The following SRC variants were observed in gnomAD, a reference collection of about 807,000 sequenced individuals.
SRC encodes proto-oncogene tyrosine-protein kinase Src.
A neutral mutation model predicts 62.9 loss-of-function variants in SRC; 13 were observed. The ratio of observed to expected loss-of-function variants is 0.21; its 90% CI spans 0.13 to 0.33. SRC has a LOEUF of 0.33. SRC is among the 10% of genes least tolerant of loss of function. SRC has a pLI of 1.00. For synonymous variants in SRC, 302 were observed against 317.5 expected (o/e 0.95, Z 0.52); for missense variants, 457 against 737.3 (o/e 0.62, Z 4.40).
chr20:37,377,943 T>G (rs895868376), intron 2 of SRC, among the ~76,000 whole-genome samples: 1 of 152,060 alleles, frequency 6.6e-6, no homozygotes, highest in Non-Finnish European at 1.5e-5. Flanking sequence ...TGAGATATCT[T>G]GACACAGGCA....
rs74633629 is a variant in SRC, at chr20:37,386,530, G to A, written c.350+356G>A. 4.2e-6 allele frequency: 3 copies of A among 707,696 alleles called. 1 individual carries two copies. Among genetic ancestry groups the A allele is most frequent in the Middle Eastern group, 5.0e-4 (2 of 4,020 alleles). The allele number at this position is 707,696 out of a possible 1,614,324, so 43.8% of individuals were successfully genotyped here. On this transcript the variant is annotated intron_variant, in intron 5 of 13. Transcript: ENST00000373578. ...CTGGGCGGGGTGCTTCGCGGGGGGT[G>A]GGGGCTGCTGTCTGCATGTGCTTCC...
intron 10 of SRC, among the ~76,000 whole-genome samples, chr20:37,401,065 T>A (rs184468957): frequency 1.3e-5 from 2 of 152,274 alleles, no homozygotes; most frequent in East Asian, 3.9e-4. Context: ...GGCGTGATCA[T>A]AGCTCACTGC....
chr20:37,390,329 A>AT (rs911082955), intron 5 of SRC, among the ~76,000 whole-genome samples: 3 of 110,930 alleles, frequency 2.7e-5, no homozygotes, highest in Non-Finnish European at 3.8e-5. Flanking sequence ...TTTTATTTTT[A>AT]TTTTTTAGCT....
chr20:37,401,916 C>T, intron 11 of SRC: 1 of 450,010 alleles, frequency 2.2e-6, no homozygotes, highest in Non-Finnish European at 3.9e-6. Flanking sequence ...ACTGTGGGAC[C>T]TCGGGCCTCA....
At chr20:37,391,869 TA>T (rs1232638252) in intron 5 of SRC, among the ~76,000 whole-genome samples, 3 of 151,922 alleles carry the variant, frequency 2.0e-5, no homozygotes, top group Non-Finnish European at 4.4e-5. Context: ...AATAAATAAA[TA>T]AATAAAGTGC....
At chr20:37,364,661 C>G (rs1181278798) in intron 1 of SRC, among the ~76,000 whole-genome samples, 1 of 152,184 alleles carries the variant, frequency 6.6e-6, no homozygotes, top group Non-Finnish European at 1.5e-5. Flanking sequence ...GCTCTATGAG[C>G]ACGTGGACCT....
chr20:37,401,024 T>A (rs1036791544), intron 10 of SRC, among the ~76,000 whole-genome samples: 3 of 151,984 alleles, frequency 2.0e-5, no homozygotes, highest in Non-Finnish European at 4.4e-5. Flanking sequence ...TGAGATGAGG[T>A]CTTGCTATGT....
chr20:37,360,218 C>CTTTTTATTT (rs2069948088), intron 1 of SRC, among the ~76,000 whole-genome samples: 1 of 105,632 alleles, frequency 9.5e-6, no homozygotes, highest in Non-Finnish European at 1.8e-5. Context: ...CTCTCTCTCT[C>CTTTTTATTT]TTTTTTTTTT....
chr20:37,403,698 AG>A lies in SRC; in HGVS notation c.*322del. On this transcript the variant is annotated 3_prime_UTR_variant, in exon 14 of 14. Transcript: ENST00000373578. The surrounding 1 kb of genome is among the most constrained non-coding windows in gnomAD (Gnocchi z 7.1). ...AGGAGAAGGGCTGGGGCCGGGGCTG[AG>A]GGTGCCCTTTTCCAGCCTCAGCCTA... The A allele has an allele frequency of 4.9e-6, 2 of 405,776 alleles. No homozygotes were observed. 25.1% of individuals were successfully genotyped at this position (405,776 alleles called of 1,614,324 possible). A position where few individuals can be genotyped will look rare whatever the true frequency, so the allele number is the denominator to read the frequency against.
intron 1 of SRC, among the ~76,000 whole-genome samples, chr20:37,349,888 G>T (rs1256304119): frequency 6.6e-6 from 1 of 152,220 alleles, no homozygotes; most frequent in Non-Finnish European, 1.5e-5. Flanking sequence ...GCCTGCCTTC[G>T]GTGTGATTGG....
At position 37,402,504 on chromosome 20, in the gene SRC, C is replaced by T; in HGVS notation, c.1186C>T (p.Leu396=). The T allele has an allele frequency of 2.5e-6, 4 of 1,614,100 alleles. No individual in the cohort carries two copies. Among genetic ancestry groups the T allele is most frequent in the Non-Finnish European group, 3.4e-6 (4 of 1,180,020 alleles). ...VHRDLRAANI[L]VGENLVCKVA... ...CCGGGACCTTCGTGCAGCCAACATC[C>T]TGGTGGGAGAGAACCTGGTGTGCAA... The change falls in exon 12 of 14, where the codon CTG becomes TTG. Residue 396 remains leucine, a synonymous_variant. Transcript: ENST00000373578. The surrounding 1 kb of genome is among the most constrained non-coding windows in gnomAD (Gnocchi z 6.2).
rs201876107 is a variant in SRC, at chr20:37,396,332, G to A, written c.703+21G>A. 1.9e-5 allele frequency: 30 copies of A among 1,611,634 alleles called. No homozygotes were observed. Among genetic ancestry groups the A allele is most frequent in the Admixed American group, 1.3e-4 (8 of 60,010 alleles). On this transcript the variant is annotated intron_variant, in intron 8 of 13. Coordinates refer to ENST00000373578, the MANE Select transcript of SRC (RefSeq NM_198291.3). This position sits in a 1 kb window ranked among gnomAD's most constrained non-coding sequence, Gnocchi z 6.1. Reference sequence around the variant, plus strand: ...CTCCAGTGAGCCAGCCTCGGAGGGCGGAGGGCGGGCGGGCAAAGCCTCAGC... The same window carrying A: ...CTCCAGTGAGCCAGCCTCGGAGGGCAGAGGGCGGGCGGGCAAAGCCTCAGC...
chr20:37,380,569 T>C (rs181559732), intron 2 of SRC, among the ~76,000 whole-genome samples: 420 of 152,354 alleles, frequency 2.8e-3, no homozygotes, highest in African/African-American at 9.6e-3. Context: ...CAGTGTGGCA[T>C]TGCAGGAACA....
At chr20:37,386,849 A>G (rs1471069353) in intron 5 of SRC, among the ~76,000 whole-genome samples, 1 of 152,268 alleles carries the variant, frequency 6.6e-6, no homozygotes, top group East Asian at 1.9e-4. Context: ...GCATGTGGCC[A>G]GGGAGACAGC....
rs2147050555 is a variant in SRC at position 37,384,325 on chromosome 20, G to A, written c.172G>A (p.Ala58Thr). 6.8e-7 allele frequency: 1 copy of A among 1,465,566 alleles called. No homozygotes were observed. Among genetic ancestry groups the A allele is most frequent in the Non-Finnish European group, 9.0e-7 (1 of 1,113,966 alleles). 90.8% of individuals were successfully genotyped at this position (1,465,566 alleles called of 1,614,324 possible). A position where few individuals can be genotyped will look rare whatever the true frequency, so the allele number is the denominator to read the frequency against. The part of the protein sequence containing the change: ...RGPSAAFAPA[A>T]AEPKLFGGFN... Reference sequence around the variant, plus strand: ...CCCCAGCGCGGCCTTCGCCCCCGCGGCCGCCGAGCCCAAGCTGTTCGGAGG... The same window carrying A: ...CCCCAGCGCGGCCTTCGCCCCCGCGACCGCCGAGCCCAAGCTGTTCGGAGG... The change falls in exon 4 of 14, where the codon GCC (alanine) becomes ACC (threonine). Residue 58 changes from alanine (A) to threonine (T), a missense_variant. Coordinates refer to ENST00000373578, the MANE Select transcript of SRC (RefSeq NM_198291.3). The surrounding 1 kb of genome is among the most constrained non-coding windows in gnomAD (Gnocchi z 6.7).
rs1291332754 is a variant in SRC at position 37,384,305 on chromosome 20, G to A, written c.152G>A (p.Ser51Asn). Reference protein sequence around the residue: ...PASADGHRGPSAAFAPAAAEP... With the variant: ...PASADGHRGPNAAFAPAAAEP... ...TCGGCCGACGGCCACCGCGGCCCCA[G>A]CGCGGCCTTCGCCCCCGCGGCCGCC... The change falls in exon 4 of 14, where the codon AGC (serine) becomes AAC (asparagine). Residue 51 changes from serine to asparagine, a missense_variant. Coordinates refer to ENST00000373578, the MANE Select transcript of SRC (RefSeq NM_198291.3). This position sits in a 1 kb window ranked among gnomAD's most constrained non-coding sequence, Gnocchi z 6.7. 2.7e-6 allele frequency: 4 copies of A among 1,477,428 alleles called. No homozygotes were observed. The highest frequency in any genetic ancestry group is 3.6e-6 in the Non-Finnish European group (4 of 1,121,062). 91.5% of individuals were successfully genotyped at this position (1,477,428 alleles called of 1,614,324 possible).
intron 2 of SRC, among the ~76,000 whole-genome samples, chr20:37,373,399 A>ATATACGCATATATACGCATATATGCGTG (rs2070223059): frequency 1.3e-5 from 2 of 148,516 alleles, no homozygotes; most frequent in South Asian, 4.2e-4. Context: ...ATATATGCGT[A>ATATACGCATATATACGCATATATGCGTG]TATATACGCA....
At chr20:37,378,760 G>A (rs1328470321) in intron 2 of SRC, among the ~76,000 whole-genome samples, 1 of 152,198 alleles carries the variant, frequency 6.6e-6, no homozygotes, top group Non-Finnish European at 1.5e-5. Flanking sequence ...GCCTCTGGCT[G>A]CGGGGGGAGG....
intron 5 of SRC, among the ~76,000 whole-genome samples, chr20:37,391,034 CT>C (rs1439183834): frequency 6.6e-6 from 1 of 152,196 alleles, no homozygotes; most frequent in East Asian, 1.9e-4. Context: ...GCCCTGCTCG[CT>C]GAAGTCGGGT....
Sources: gnomAD v4.1 joint callset for allele counts (sites outside exome capture counted in the v4.1 genomes callset) on GRCh38, gnomAD v4.1.1 for gene constraint, Gnocchi (gnomAD v3.1) non-coding constraint, MANE v1.5 for transcripts, NCBI Gene and HGNC (gene_info 2026-07-23, HGNC 2026-07-21) for gene names.